The following AP3D1 variants were observed in gnomAD, a reference collection of about 807,000 sequenced individuals.
AP3D1 encodes the protein adaptor related protein complex 3 subunit delta 1.
A neutral mutation model predicts 147.6 loss-of-function variants in AP3D1; 51 were observed. That is an observed-to-expected ratio of 0.35 (90% CI 0.28 to 0.44). AP3D1 has a LOEUF of 0.44. AP3D1 is among the 20% of genes least tolerant of loss of function. The pLI is 1.00. For synonymous variants in AP3D1, 760 were observed against 663.0 expected (o/e 1.15, Z -2.25); for missense variants, 1,421 against 1,624.2 (o/e 0.87, Z 2.15).
At chr19:2,110,987 AG>A (rs1251781484) in intron 26 of AP3D1, 91 bp from the exon 27 acceptor site, 2 of 1,401,266 alleles carry the variant, frequency 1.4e-6, no homozygotes, top group African/African-American at 2.8e-5. Context: ...CAGAGGCAGC[AG>A]GGGTCCCACA....
chr19:2,111,011 C>A, intron 26 of AP3D1, 115 bp from the exon 27 acceptor site: 1 of 1,228,646 alleles, frequency 8.1e-7, no homozygotes, highest in Non-Finnish European at 1.1e-6. Context: ...CACAGGAAGG[C>A]ACGGAGAGGG....
At chr19:2,139,745 T>C (rs1599487213) in intron 1 of AP3D1, among the ~76,000 whole-genome samples, 1 of 152,170 alleles carries the variant, frequency 6.6e-6, no homozygotes, top group African/African-American at 2.4e-5. Context: ...CCGGGCCCCG[T>C]CCTGCCAGCC....
intron 14 of AP3D1, among the ~76,000 whole-genome samples, chr19:2,119,468 C>A (rs1205146481): frequency 1.3e-5 from 2 of 151,774 alleles, no homozygotes; most frequent in Non-Finnish European, 2.9e-5. Flanking sequence ...CCGAGGCGGG[C>A]GGATCATGAG....
chr19:2,101,771 CG>C lies in AP3D1; in HGVS notation c.*401del, dbSNP rs1226083919. ...TCAGGACCTTTGGGTCAAAAGCAGG[CG>C]ACCCCAGAGGAGGCCACGTCAGCCC... On this transcript the variant is annotated 3_prime_UTR_variant, in exon 32 of 32. Coordinates refer to ENST00000643116, the MANE Select transcript of AP3D1 (RefSeq NM_001261826.3). The C allele has an allele frequency of 5.8e-6, 1 of 171,182 alleles. No individual in the cohort carries two copies. The highest frequency in any genetic ancestry group is 1.2e-5 in the Non-Finnish European group (1 of 80,072). The allele number at this position is 171,182 out of a possible 1,614,324, so 10.6% of individuals were successfully genotyped here.
chr19:2,148,912 T>A lies in AP3D1; in HGVS notation c.96+2327A>T, dbSNP rs562677335. 2.0e-5 allele frequency among the ~76,000 whole-genome samples: 3 copies of A among 152,232 alleles called. No individual in the cohort carries two copies. The East Asian group carries it at 5.8e-4, about 29-fold the overall frequency. On this transcript the variant is annotated intron_variant, in intron 1 of 31. Coordinates refer to ENST00000643116, the MANE Select transcript of AP3D1 (RefSeq NM_001261826.3). ...CAGAAAATGCGCACACTGTCTAGAG[T>A]CTTTGTTCCGGGTGCAGTGGGCGGG... is the stretch of plus-strand genomic sequence containing the variant.
At chr19:2,144,641 C>T (rs889444477) in intron 1 of AP3D1, among the ~76,000 whole-genome samples, 3 of 152,178 alleles carry the variant, frequency 2.0e-5, no homozygotes, top group African/African-American at 7.2e-5. Flanking sequence ...GGCACAATGG[C>T]TCACACCTGT....
intron 1 of AP3D1, among the ~76,000 whole-genome samples, chr19:2,159,221 C>CTTT (rs1226347011): frequency 7.2e-6 from 1 of 139,566 alleles, no homozygotes; most frequent in Non-Finnish European, 1.6e-5. Flanking sequence ...ATCTCTCTCT[C>CTTT]TTTTTTTTTT....
In AP3D1 at chr19:2,108,146, G is replaced by A. The variant is rs182926757; in HGVS notation, c.3552+541C>T. ...ACAGAGAGGACACACTCTACTGCAC[G>A]TCTGATGAAGCCACTGGATGACAAA... is the stretch of plus-strand genomic sequence containing the variant. On this transcript the variant is annotated intron_variant, in intron 31 of 31. Coordinates refer to ENST00000643116, the MANE Select transcript of AP3D1 (RefSeq NM_001261826.3). Among the ~76,000 whole-genome samples, 806 of 152,252 alleles carry A rather than the reference G, an allele frequency of 5.3e-3. 3 individuals are homozygous for A. The highest frequency in any genetic ancestry group is 6.8e-3 in the South Asian group (33 of 4,820).
intron 22 of AP3D1, among the ~76,000 whole-genome samples, chr19:2,113,633 G>T (rs2018350754): frequency 6.6e-6 from 1 of 152,252 alleles, no homozygotes; most frequent in Admixed American, 6.5e-5. Context: ...CGGGGACAAA[G>T]CTGTGGGTGG....
intron 1 of AP3D1, among the ~76,000 whole-genome samples, chr19:2,141,183 T>C (rs2019211156): frequency 6.6e-6 from 1 of 152,184 alleles, no homozygotes; most frequent in African/African-American, 2.4e-5. Context: ...TGACACTTTC[T>C]ACAAAAACAC....
chr19:2,164,287 C>A lies in AP3D1; in HGVS notation c.-103+69G>T, dbSNP rs748933392. 12 of 1,249,278 alleles carry A rather than the reference C, an allele frequency of 9.6e-6. No individual in the cohort carries two copies. In the East Asian group the frequency reaches 3.7e-4, roughly 39 times the overall value. 77.4% of individuals were successfully genotyped at this position (1,249,278 alleles called of 1,614,324 possible). A position where few individuals can be genotyped will look rare whatever the true frequency, so the allele number is the denominator to read the frequency against. On this transcript the variant is annotated intron_variant, in intron 1 of 14. Coordinates refer to the AP3D1 transcript ENST00000643010. ...CTACGTGAGTGCCGCCCTCCACCGT[C>A]CCTACCTCCCGGCCTCCCCTCCTCC...
chr19:2,120,089 C>G (rs996226095), intron 14 of AP3D1, among the ~76,000 whole-genome samples: 6 of 152,058 alleles, frequency 3.9e-5, no homozygotes, highest in African/African-American at 1.2e-4. Flanking sequence ...TCGGTGTGGC[C>G]GTGATGAGCA....
rs761320538 is a variant in AP3D1, at chr19:2,102,191, C to T, written c.3630G>A (p.Ala1210=). ...LLSNLLEEMK[A]TLAKC ...GCAGCTCTCAACACTTGGCCAGCGT[C>T]GCCTTCATCTCTTCTAACAAGTTGC... The change falls in exon 32 of 32, where the codon GCG becomes GCA. Residue 1210 remains alanine (A), a synonymous_variant. Transcript: ENST00000643116. The T allele has an allele frequency of 3.7e-6, 6 of 1,613,922 alleles. No homozygotes were observed. The highest frequency in any genetic ancestry group is 2.7e-5 in the African/African-American group (2 of 75,046).
At chr19:2,160,166 G>T (rs1158547672) in intron 1 of AP3D1, among the ~76,000 whole-genome samples, 1 of 152,168 alleles carries the variant, frequency 6.6e-6, no homozygotes, top group African/African-American at 2.4e-5. Context: ...TTTTGCAAAG[G>T]CAGTTTCAAA....
At position 2,118,804 on chromosome 19, in the gene AP3D1, C is replaced by T; in HGVS notation, c.1510G>A (p.Glu504Lys). 6.2e-7 allele frequency: 1 copy of T among 1,613,644 alleles called. No individual in the cohort carries two copies. ...EHLQEPHHTLEAMLRPRVTTL... is the reference protein window; with the variant it reads ...EHLQEPHHTLKAMLRPRVTTL... ...GTGACTCTGGGCCGCAGCATGGCCT[C>T]CAAAGTGTGGTGTGGTTCCTGCAGA... The change falls in exon 15 of 32, where the codon GAG becomes AAG. Residue 504 changes from glutamate (E) to lysine (K), a missense_variant. Coordinates refer to ENST00000643116, the MANE Select transcript of AP3D1 (RefSeq NM_001261826.3).
chr19:2,134,458 T>C (rs1335570757), intron 4 of AP3D1, among the ~76,000 whole-genome samples: 1 of 151,156 alleles, frequency 6.6e-6, no homozygotes, highest in Non-Finnish European at 1.5e-5. Flanking sequence ...TTTTTAGGGC[T>C]GGGCGTGGTG....
At chr19:2,137,594 G>C in intron 3 of AP3D1, 133 bp downstream of exon 3, 1 of 759,176 alleles carries the variant, frequency 1.3e-6, no homozygotes, top group East Asian at 2.6e-5. Flanking sequence ...GGGATTACAG[G>C]CCACTGAATC....
At chr19:2,164,381 C>T in exon 1 of AP3D1, 1 of 597,394 alleles carries the variant, frequency 1.7e-6, no homozygotes, top group Non-Finnish European at 2.4e-6. Flanking sequence ...AACGGAGACC[C>T]TGGACTCCAC....
intron 23 of AP3D1, 30 bp from the exon 24 acceptor site, chr19:2,112,997 C>A: frequency 6.4e-7 from 1 of 1,568,920 alleles, no homozygotes; most frequent in South Asian, 1.2e-5. Flanking sequence ...GGGGCTCATG[C>A]TGGGCAATGA....
Sources: gnomAD v4.1 joint callset for allele counts (sites outside exome capture counted in the v4.1 genomes callset) on GRCh38, gnomAD v4.1.1 for gene constraint, MANE v1.5 for transcripts, NCBI Gene and HGNC (gene_info 2026-07-23, HGNC 2026-07-21) for gene names.